NTSR1: variants seen among roughly 807,000 people sequenced by gnomAD.
The protein encoded by NTSR1 is neurotensin receptor 1, also known as neurotensin receptor type 1.
A neutral mutation model predicts 31.2 loss-of-function variants in NTSR1; 29 were observed. That is an observed-to-expected ratio of 0.93 (90% CI 0.69 to 1.27). NTSR1 has a LOEUF of 1.27. Ranked by LOEUF, NTSR1 falls within the 50% of genes most tolerant of loss-of-function variation. The pLI is 0.00. For synonymous variants in NTSR1, 282 were observed against 269.9 expected (o/e 1.04, Z -0.44); for missense variants, 697 against 595.4 (o/e 1.17, Z -1.78).
intron 2 of NTSR1, among the ~76,000 whole-genome samples, chr20:62,756,067 C>T (rs1490160222): frequency 1.3e-5 from 2 of 152,002 alleles, no homozygotes; most frequent in African/African-American, 4.8e-5. Flanking sequence ...TTCTTGCTCA[C>T]AGGCATGGAG....
intron 1 of NTSR1, among the ~76,000 whole-genome samples, chr20:62,713,012 G>A (rs968238134): frequency 6.6e-6 from 1 of 152,224 alleles, no homozygotes; most frequent in Non-Finnish European, 1.5e-5. Context: ...GACTTCAGGT[G>A]TCCGATTCAA....
intron 1 of NTSR1, among the ~76,000 whole-genome samples, chr20:62,751,398 A>G (rs1989392068): frequency 6.6e-6 from 1 of 152,204 alleles, no homozygotes; most frequent in Admixed American, 6.5e-5. Context: ...CTTATCCCTT[A>G]AGAAAAGGAA....
intron 1 of NTSR1, among the ~76,000 whole-genome samples, chr20:62,710,719 G>T (rs1988592748): frequency 6.6e-6 from 1 of 152,178 alleles, no homozygotes; most frequent in East Asian, 1.9e-4. Flanking sequence ...GCTGAGGTTC[G>T]TGGCACGGGG....
intron 1 of NTSR1, among the ~76,000 whole-genome samples, chr20:62,722,989 C>T (rs1346653644): frequency 6.6e-6 from 1 of 152,202 alleles, no homozygotes; most frequent in Non-Finnish European, 1.5e-5. Context: ...AGTCTGAGGA[C>T]AGCCACTGTG....
intron 1 of NTSR1, among the ~76,000 whole-genome samples, chr20:62,751,602 C>G (rs549889342): frequency 1.3e-5 from 2 of 152,354 alleles, no homozygotes; most frequent in South Asian, 4.1e-4. Flanking sequence ...TGAGCCCAGG[C>G]AAAGCTGGTG....
chr20:62,710,984 C>T (rs550558475), intron 1 of NTSR1, among the ~76,000 whole-genome samples: 1 of 152,324 alleles, frequency 6.6e-6, no homozygotes, highest in African/African-American at 2.4e-5. Context: ...CACACACCAG[C>T]ATCGCCAGCC....
intron 1 of NTSR1, among the ~76,000 whole-genome samples, chr20:62,740,427 A>G (rs1989184848): frequency 6.6e-6 from 1 of 150,598 alleles, no homozygotes; most frequent in South Asian, 2.1e-4. Flanking sequence ...TCTTAGTCAT[A>G]GGGTGAGCGG....
chr20:62,760,373 C>G lies in NTSR1; in HGVS notation c.*106C>G, dbSNP rs1989597952. On this transcript the variant is annotated 3_prime_UTR_variant, in exon 4 of 4. Transcript: ENST00000370501. ...AGCCTTGATGGGGGTCAGGCAGAGG[C>G]CAGCCTGCACTGGAGTCTGAGGCCT... The G allele has an allele frequency of 7.7e-7, 1 of 1,298,818 alleles. No homozygotes were observed. The highest frequency in any genetic ancestry group is 1.0e-6 in the Non-Finnish European group (1 of 960,436). 80.5% of individuals were successfully genotyped at this position (1,298,818 alleles called of 1,614,324 possible).
chr20:62,715,928 G>A lies in NTSR1; in HGVS notation c.714+6007G>A, dbSNP rs1038180917. Among the ~76,000 whole-genome samples the A allele has an allele frequency of 2.0e-5, 3 of 152,198 alleles. No individual in the cohort carries two copies. The highest frequency in any genetic ancestry group is 4.8e-5 in the African/African-American group (2 of 41,454). ...CTGAGCAGGGCCCGAGAGGACGTCC[G>A]ACCTGTGCACGAACCAGAGGCTGCC... On this transcript the variant is annotated intron_variant, in intron 1 of 3. Coordinates refer to ENST00000370501, the MANE Select transcript of NTSR1 (RefSeq NM_002531.3). The surrounding 1 kb of genome is among the most constrained non-coding windows in gnomAD (Gnocchi z 4.7).
chr20:62,721,688 G>T (rs1389869703), intron 1 of NTSR1, among the ~76,000 whole-genome samples: 1 of 152,206 alleles, frequency 6.6e-6, no homozygotes, highest in Non-Finnish European at 1.5e-5. Context: ...TCCAGGACTT[G>T]TGTTGACTCA....
intron 1 of NTSR1, among the ~76,000 whole-genome samples, chr20:62,753,036 G>A (rs765313509): frequency 6.6e-6 from 1 of 152,222 alleles, no homozygotes; most frequent in Non-Finnish European, 1.5e-5. Flanking sequence ...GCTGGCAGGT[G>A]CAGGATGCTG....
intron 1 of NTSR1, among the ~76,000 whole-genome samples, chr20:62,752,236 C>T (rs1008692929): frequency 1.3e-5 from 2 of 152,236 alleles, no homozygotes; most frequent in Non-Finnish European, 2.9e-5. Flanking sequence ...GGCTTTCCTC[C>T]GAGTCCCCGC....
At position 62,729,097 on chromosome 20, in the gene NTSR1, GCTGT is replaced by G. The variant is rs1988960453; in HGVS notation, c.714+19177_714+19180del. 4.6e-5 allele frequency among the ~76,000 whole-genome samples: 7 copies of G among 152,344 alleles called. 1 individual carries two copies. The highest frequency in any genetic ancestry group is 1.3e-4 in the Admixed American group (2 of 15,306). ...GCAGGGAGCTAAACCTGAGACTGAA[GCTGT>G]ATCCAGACACACTTACTCACGGCAT... On this transcript the variant is annotated intron_variant, in intron 1 of 3. Coordinates refer to ENST00000370501, the MANE Select transcript of NTSR1 (RefSeq NM_002531.3).
Position 62,711,425 on chromosome 20 carries a change from A to G in NTSR1, c.714+1504A>G, listed in dbSNP as rs28734101. Among the ~76,000 whole-genome samples the G allele has an allele frequency of 4.7e-4, 71 of 151,984 alleles. No homozygotes were observed. Among genetic ancestry groups the G allele is most frequent in the African/African-American group, 1.7e-3 (69 of 41,446 alleles). ...CTTTGATTGGCATTGGCCAGGGGGA[A>G]CCTCTCCCCAGTCCGCGTGGAGGGG... On this transcript the variant is annotated intron_variant, in intron 1 of 3. Coordinates refer to ENST00000370501, the MANE Select transcript of NTSR1 (RefSeq NM_002531.3). The surrounding 1 kb of genome is among the most constrained non-coding windows in gnomAD (Gnocchi z 6.4).
chr20:62,727,004 G>A (rs920852250), intron 1 of NTSR1, among the ~76,000 whole-genome samples: 3 of 152,202 alleles, frequency 2.0e-5, no homozygotes, highest in African/African-American at 4.8e-5. Flanking sequence ...GGATGAAAGG[G>A]GTCCTTGCCA....
chr20:62,756,949 T>G (rs1272279906), intron 2 of NTSR1, among the ~76,000 whole-genome samples: 1 of 152,272 alleles, frequency 6.6e-6, no homozygotes, highest in Non-Finnish European at 1.5e-5. Context: ...TTTGTTTTCA[T>G]GTTGAGTTTT....
chr20:62,748,758 T>C (rs936759580), intron 1 of NTSR1, among the ~76,000 whole-genome samples: 3 of 152,150 alleles, frequency 2.0e-5, no homozygotes, highest in Non-Finnish European at 4.4e-5. Flanking sequence ...GACTGGACCC[T>C]CATGAATGGA....
In NTSR1 at chr20:62,760,482, C is replaced by G. The variant is rs886772657; in HGVS notation, c.*215C>G. 4.2e-5 allele frequency: 22 copies of G among 518,880 alleles called. No individual in the cohort carries two copies. The highest frequency in any genetic ancestry group is 6.1e-5 in the Non-Finnish European group (18 of 293,068). The allele number at this position is 518,880 out of a possible 1,614,324, so 32.1% of individuals were successfully genotyped here. On this transcript the variant is annotated 3_prime_UTR_variant, in exon 4 of 4. Coordinates refer to ENST00000370501, the MANE Select transcript of NTSR1 (RefSeq NM_002531.3). ...CCCCAACTCCTCCCCACCCCTCCCC[C>G]ATCTCCTCTTTGAAAGCCAGAACAA...
At chr20:62,752,977 G>T (rs948450467) in intron 1 of NTSR1, among the ~76,000 whole-genome samples, 3 of 152,202 alleles carry the variant, frequency 2.0e-5, no homozygotes, top group Non-Finnish European at 4.4e-5. Context: ...AGCAGCGGTG[G>T]TGGTGGCTCT....
Sources: allele counts gnomAD v4.1 joint callset (sites outside exome capture counted in the v4.1 genomes callset), GRCh38; gene constraint gnomAD v4.1.1; non-coding constraint Gnocchi (gnomAD v3.1); transcripts MANE v1.5; gene names NCBI Gene and HGNC (gene_info 2026-07-23, HGNC 2026-07-21).